The following RAB27B variants were observed in gnomAD, a reference collection of about 807,000 sequenced individuals.
RAB27B encodes the protein RAB27B, member RAS oncogene family, also known as ras-related protein Rab-27B.
A neutral mutation model predicts 24.6 loss-of-function variants in RAB27B; 15 were observed. That is an observed-to-expected ratio of 0.61 (90% confidence interval 0.41 to 0.94). The LOEUF is 0.94. Ranked by LOEUF, RAB27B falls within the 40% of genes least tolerant of loss-of-function variation. The pLI, the probability that RAB27B is intolerant of heterozygous loss-of-function variation, is 0.00. For missense variants in RAB27B, 261 were observed against 266.8 expected, an observed-to-expected ratio of 0.98 and a Z score of 0.15; for synonymous variants, 105 against 92.5, an observed-to-expected ratio of 1.14 and a Z score of -0.78.
At chr18:54,832,625 C>T (rs758370128) in intron 1 of RAB27B, among the ~76,000 whole-genome samples, 12 of 152,260 alleles carry the variant, frequency 7.9e-5, no homozygotes, top group South Asian at 2.1e-4. Context: ...GGCTTGAGGA[C>T]GCAGCTCTGG....
chr18:54,774,320 T>A (rs2145077057), intron 2 of RAB27B, among the ~76,000 whole-genome samples: 1 of 152,374 alleles, frequency 6.6e-6, no homozygotes, highest in African/African-American at 2.4e-5. Flanking sequence ...TGCCAGTCAC[T>A]GAACCAAGCA....
intron 1 of RAB27B, among the ~76,000 whole-genome samples, chr18:54,843,195 G>A (rs1003081400): frequency 6.6e-6 from 1 of 152,154 alleles, no homozygotes; most frequent in Non-Finnish European, 1.5e-5. Context: ...TATTGTGTCA[G>A]CAAGGAACAT....
intron 2 of RAB27B, among the ~76,000 whole-genome samples, chr18:54,746,847 A>T (rs1038662655): frequency 6.6e-6 from 1 of 152,156 alleles, no homozygotes; most frequent in Non-Finnish European, 1.5e-5. Flanking sequence ...TCCACAATTC[A>T]CTTTTTGTAT....
chr18:54,867,063 G>T lies in RAB27B; in HGVS notation c.-19-10504G>T, dbSNP rs554436102. Among the ~76,000 whole-genome samples, 9 of 152,288 alleles carry T rather than the reference G, an allele frequency of 5.9e-5. 1 individual carries two copies. In the East Asian group the frequency reaches 1.7e-3, roughly 29 times the overall value. On this transcript the variant is annotated intron_variant, in intron 1 of 5. Coordinates refer to ENST00000262094, the MANE Select transcript of RAB27B (RefSeq NM_004163.4). ...GTTGTGGGTCACACCAAAGTATTGG[G>T]CAAATGCCTGAACAGTCTCTTTAAA...
chr18:54,727,210 G>A (rs1017943169), intron 2 of RAB27B, among the ~76,000 whole-genome samples: 2 of 152,242 alleles, frequency 1.3e-5, no homozygotes, highest in African/African-American at 2.4e-5. Flanking sequence ...CTGACCTCAC[G>A]TGATCCGCCT....
At position 54,864,976 on chromosome 18, in the gene RAB27B, G is replaced by C. The variant is rs571192296; in HGVS notation, c.-19-12591G>C. The stretch of plus-strand genomic sequence containing the variant: ...TGAGAGGGATTAAATTAAATGTGTA[G>C]TGTTGTGGCATTGTTTTAAAGACTA... On this transcript the variant is annotated intron_variant, in intron 1 of 5. Transcript: ENST00000262094. 7.2e-5 allele frequency among the ~76,000 whole-genome samples: 11 copies of C among 152,210 alleles called. No individual in the cohort carries two copies. In the South Asian group the frequency reaches 2.3e-3, roughly 32 times the overall value.
Position 54,857,621 on chromosome 18 carries a change from C to A in RAB27B, c.-19-19946C>A, listed in dbSNP as rs1422112184. 2.6e-5 allele frequency among the ~76,000 whole-genome samples: 4 copies of A among 152,166 alleles called. No individual in the cohort carries two copies. The East Asian group carries it at 7.7e-4, about 29-fold the overall frequency. On this transcript the variant is annotated intron_variant, in intron 1 of 5. Transcript: ENST00000262094. ...GGCATATAAATAGAAGATGTGCATG[C>A]ACGAGCTTAATGATGGGTGCATGCT...
At chr18:54,783,164 A>G (rs975620845) in intron 2 of RAB27B, among the ~76,000 whole-genome samples, 2 of 151,876 alleles carry the variant, frequency 1.3e-5, no homozygotes, top group African/African-American at 4.8e-5. Context: ...AGACGGTTTC[A>G]CCATGTTGGC....
rs1004828409 is a variant in RAB27B, at chr18:54,889,318, T to C, written c.562T>C (p.Cys188Arg). The C allele has an allele frequency of 1.2e-6, 2 of 1,613,386 alleles. No individual in the cohort carries two copies. Among genetic ancestry groups the C allele is most frequent in the African/African-American group, 1.3e-5 (1 of 74,986 alleles). The stretch of plus-strand genomic sequence containing the variant: ...CTTAATCATGAAGCGAATGGAACAG[T>C]GTGTGGAGAAGACACAAATCCCTGA... ...LDLIMKRMEQ[C>R]VEKTQIPDTV... The change falls in exon 6 of 6, where the codon TGT becomes CGT. Residue 188 changes from cysteine (C) to arginine (R), a missense_variant. Physicochemically the swap from Cys to Arg is radical, Grantham distance 180 (BLOSUM62 -3). Transcript: ENST00000262094.
chr18:54,861,236 A>G (rs778065290), intron 1 of RAB27B, among the ~76,000 whole-genome samples: 2 of 152,228 alleles, frequency 1.3e-5, no homozygotes, highest in African/African-American at 2.4e-5. Context: ...GTAATAGGCC[A>G]ATGTCAGAAA....
intron 2 of RAB27B, among the ~76,000 whole-genome samples, chr18:54,734,495 A>C (rs893643486): frequency 1.3e-5 from 2 of 152,172 alleles, no homozygotes; most frequent in Non-Finnish European, 2.9e-5. Flanking sequence ...AATTTATTAC[A>C]ATAACCAATA....
chr18:54,763,522 A>G (rs1908262182), intron 2 of RAB27B, among the ~76,000 whole-genome samples: 1 of 152,122 alleles, frequency 6.6e-6, no homozygotes, highest in Admixed American at 6.6e-5. Context: ...TGCTCCAGGG[A>G]TAGCAAATAA....
chr18:54,878,614 C>T (rs918324837), intron 2 of RAB27B, among the ~76,000 whole-genome samples: 1 of 152,124 alleles, frequency 6.6e-6, no homozygotes, highest in African/African-American at 2.4e-5. Flanking sequence ...CAGGGTTTTC[C>T]TGCCTTCTCT....
At chr18:54,761,868 T>C (rs1334868252) in intron 2 of RAB27B, among the ~76,000 whole-genome samples, 1 of 152,148 alleles carries the variant, frequency 6.6e-6, no homozygotes, top group Non-Finnish European at 1.5e-5. Flanking sequence ...CCAAAATCCA[T>C]GCCCACCCAG....
chr18:54,836,017 A>G (rs1910879912), intron 1 of RAB27B, among the ~76,000 whole-genome samples: 1 of 151,992 alleles, frequency 6.6e-6, no homozygotes, highest in African/African-American at 2.4e-5. Context: ...AGCAGCTTAT[A>G]TTTAGATAAA....
chr18:54,827,295 G>A (rs1312840783), upstream of RAB27B, among the ~76,000 whole-genome samples: 5 of 152,164 alleles, frequency 3.3e-5, no homozygotes, highest in East Asian at 7.7e-4. Flanking sequence ...AACTTACTGT[G>A]CCAGGCACGT....
At chr18:54,841,884 C>T (rs1911134691) in intron 1 of RAB27B, among the ~76,000 whole-genome samples, 1 of 152,136 alleles carries the variant, frequency 6.6e-6, no homozygotes, top group African/African-American at 2.4e-5. Context: ...CTCCAGCCTA[C>T]AAAAATAGAC....
At chr18:54,823,572 C>T (rs1007929209), upstream of RAB27B, among the ~76,000 whole-genome samples, 1 of 152,110 alleles carries the variant, frequency 6.6e-6, no homozygotes, top group Non-Finnish European at 1.5e-5. Flanking sequence ...CTCTTAGAAC[C>T]CACCTTTATT....
Position 54,863,557 on chromosome 18 carries a change from A to G in RAB27B, c.-19-14010A>G, listed in dbSNP as rs1912089943. Among the ~76,000 whole-genome samples the G allele has an allele frequency of 2.0e-5, 3 of 152,344 alleles. No individual in the cohort carries two copies. The South Asian group carries it at 6.2e-4, about 32-fold the overall frequency. On this transcript the variant is annotated intron_variant, in intron 1 of 5. Coordinates refer to ENST00000262094, the MANE Select transcript of RAB27B (RefSeq NM_004163.4). ...CATAAAATCTACCCTTTTAAAGAGT[A>G]CAGTTCAGTGTTTTTTTAGAATATG...
Sources: gnomAD v4.1 joint callset for allele counts (sites outside exome capture counted in the v4.1 genomes callset) on GRCh38, gnomAD v4.1.1 for gene constraint, MANE v1.5 for transcripts, NCBI Gene and HGNC (gene_info 2026-07-23, HGNC 2026-07-21) for gene names.